Variants in FGGY observed in about 807,000 individuals in gnomAD.
FGGY encodes FGGY carbohydrate kinase domain containing.
In FGGY, 72 loss-of-function variants were observed where a neutral mutation model predicts 71.3. That is an observed-to-expected ratio of 1.01 (90% CI 0.84 to 1.23). The LOEUF (loss-of-function observed/expected upper bound fraction) is 1.23. Ranked by LOEUF, FGGY falls within the 50% of genes most tolerant of loss-of-function variation. The pLI is 0.00. For missense variants in FGGY, 668 were observed against 682.3 expected (o/e 0.98, Z 0.23); for synonymous variants, 251 against 250.3 (o/e 1.00, Z -0.02).
intron 12 of FGGY, among the ~76,000 whole-genome samples, chr1:59,662,299 C>T (rs1240116840): frequency 7.0e-6 from 1 of 142,936 alleles, no homozygotes; most frequent in Non-Finnish European, 1.5e-5. Context: ...CAGCCTGGGT[C>T]ACAGAGCGAG....
chr1:59,685,969 T>C (rs1369431657), intron 14 of FGGY, among the ~76,000 whole-genome samples: 1 of 152,202 alleles, frequency 6.6e-6, no homozygotes, highest in Admixed American at 6.5e-5. Flanking sequence ...GAGACCACAT[T>C]TTTCCTTATA....
At chr1:59,322,278 C>CTT (rs779225811) in intron 2 of FGGY, among the ~76,000 whole-genome samples, 6 of 127,308 alleles carry the variant, frequency 4.7e-5, no homozygotes, top group South Asian at 2.5e-4. Context: ...GAGGTGCGCT[C>CTT]TTTTTTTTTT....
chr1:59,641,022 T>C (rs2097020270), intron 11 of FGGY, among the ~76,000 whole-genome samples: 1 of 150,850 alleles, frequency 6.6e-6, no homozygotes, highest in African/African-American at 2.5e-5. Context: ...GCTCTCCAGA[T>C]GCATGGAAGA....
intron 8 of FGGY, among the ~76,000 whole-genome samples, chr1:59,565,865 A>G (rs968736275): frequency 2.6e-5 from 4 of 152,152 alleles, no homozygotes; most frequent in Non-Finnish European, 4.4e-5. Context: ...CCTAATGATA[A>G]CAATAAAAAT....
intron 14 of FGGY, among the ~76,000 whole-genome samples, chr1:59,726,121 TA>T (rs1435574242): frequency 6.6e-6 from 1 of 152,150 alleles, no homozygotes; most frequent in Admixed American, 6.5e-5. Flanking sequence ...TTTTAATTTT[TA>T]ATCACAATAA....
At chr1:59,473,662 A>T (rs537428773) in intron 6 of FGGY, among the ~76,000 whole-genome samples, 1 of 152,194 alleles carries the variant, frequency 6.6e-6, no homozygotes, top group Non-Finnish European at 1.5e-5. Context: ...GATAGAGTTT[A>T]TGGGGGGCTA....
At chr1:59,587,179 G>T (rs536291355) in intron 8 of FGGY, among the ~76,000 whole-genome samples, 1 of 152,208 alleles carries the variant, frequency 6.6e-6, no homozygotes, top group Non-Finnish European at 1.5e-5. Context: ...CACCCACGGA[G>T]TCTCACTGAT....
chr1:59,592,367 G>T (rs934439547), intron 8 of FGGY, among the ~76,000 whole-genome samples: 1 of 152,022 alleles, frequency 6.6e-6, no homozygotes, highest in East Asian at 1.9e-4. Flanking sequence ...CATTGTGGAA[G>T]TCAGTGTGGC....
chr1:59,759,841 G>A (rs1192047458), intron 15 of FGGY, among the ~76,000 whole-genome samples: 2 of 152,200 alleles, frequency 1.3e-5, no homozygotes, highest in African/African-American at 4.8e-5. Context: ...TCACAGTCAC[G>A]GAGAGTGTAA....
chr1:59,717,553 C>T (rs1466014474), intron 14 of FGGY, among the ~76,000 whole-genome samples: 1 of 152,036 alleles, frequency 6.6e-6, no homozygotes, highest in Non-Finnish European at 1.5e-5. Flanking sequence ...GAGAGGCAAT[C>T]CTGGGATGAA....
At chr1:59,369,510 T>A (rs1349197174) in intron 4 of FGGY, among the ~76,000 whole-genome samples, 1 of 152,212 alleles carries the variant, frequency 6.6e-6, no homozygotes, top group Non-Finnish European at 1.5e-5. Context: ...AAGACAGCAG[T>A]AACCTCTGCA....
chr1:59,589,543 C>A (rs1014442714), intron 8 of FGGY, among the ~76,000 whole-genome samples: 26 of 152,282 alleles, frequency 1.7e-4, no homozygotes, highest in African/African-American at 6.0e-4. Context: ...GGAAGTAAAG[C>A]TCTCCTGAGC....
intron 6 of FGGY, among the ~76,000 whole-genome samples, chr1:59,504,861 C>T (rs2094335965): frequency 6.6e-6 from 1 of 152,044 alleles, no homozygotes; most frequent in South Asian, 2.1e-4. Context: ...TGATCTTTGT[C>T]TTATGATCTC....
intron 6 of FGGY, among the ~76,000 whole-genome samples, chr1:59,506,682 C>T (rs990107011): frequency 6.6e-6 from 1 of 152,080 alleles, no homozygotes; most frequent in African/African-American, 2.4e-5. Context: ...GCCCGTAGTC[C>T]CAGCAACTTG....
intron 8 of FGGY, among the ~76,000 whole-genome samples, chr1:59,570,839 AT>A (rs767521190): frequency 1.3e-5 from 2 of 152,208 alleles, no homozygotes; most frequent in Non-Finnish European, 2.9e-5. Flanking sequence ...GGGTAAAAGC[AT>A]TCAAAAATGT....
At chr1:59,361,392 G>T (rs1357544363) in intron 4 of FGGY, among the ~76,000 whole-genome samples, 1 of 152,142 alleles carries the variant, frequency 6.6e-6, no homozygotes, top group Non-Finnish European at 1.5e-5. Flanking sequence ...AGTTAGGATC[G>T]AGGGGCTCGG....
rs1167098237 is a variant in FGGY at position 59,411,285 on chromosome 1, GC to G, written c.554+32449del. ...ATTAAATTCAAATTATGTGTTTTTG[GC>G]AGGGAAGCTACAGAAATGATGTTGT... On this transcript the variant is annotated intron_variant, in intron 5 of 15. Transcript: ENST00000303721. 2.6e-5 allele frequency among the ~76,000 whole-genome samples: 4 copies of G among 152,288 alleles called. 1 individual carries two copies. The highest frequency in any genetic ancestry group is 6.8e-3 in the Middle Eastern group (2 of 294).
intron 5 of FGGY, among the ~76,000 whole-genome samples, chr1:59,399,050 T>C (rs2061638762): frequency 6.6e-6 from 1 of 152,202 alleles, no homozygotes; most frequent in Admixed American, 6.5e-5. Flanking sequence ...CCTGGTCAAG[T>C]TTCCAATAGA....
chr1:59,516,469 T>C (rs772657946), intron 7 of FGGY, among the ~76,000 whole-genome samples: 12 of 152,204 alleles, frequency 7.9e-5, no homozygotes, highest in Admixed American at 2.6e-4. Context: ...CTGAGACATA[T>C]TGTGATGCTA....
Sources: allele counts gnomAD v4.1 joint callset (sites outside exome capture counted in the v4.1 genomes callset), GRCh38; gene constraint gnomAD v4.1.1; transcripts MANE v1.5; gene names NCBI Gene and HGNC (gene_info 2026-07-23, HGNC 2026-07-21).